The following POTEE variants were observed in gnomAD, a reference collection of about 807,000 sequenced individuals.
POTEE encodes POTE ankyrin domain family member E.
POTEE carries 21 observed loss-of-function variants against 74.2 expected under a neutral mutation model. That is an observed-to-expected ratio of 0.28 (90% CI 0.20 to 0.41). The LOEUF is 0.41. Among genes scored for constraint, POTEE ranks in the 10% least tolerant of loss-of-function variants. The pLI, the probability that POTEE is intolerant of heterozygous loss-of-function variation, is 1.00. For synonymous variants in POTEE, 211 were observed against 432.8 expected (o/e 0.49, Z 6.36); for missense variants, 525 against 1,158.6 (o/e 0.45, Z 7.94).
chr2:131,224,349 G>T (rs1386327824), intron 6 of POTEE, among the ~76,000 whole-genome samples: 13 of 143,780 alleles, frequency 9.0e-5, no homozygotes, highest in Non-Finnish European at 1.7e-4. Context: ...CCTATTGAAT[G>T]TAAAATGGCA....
intron 9 of POTEE, among the ~76,000 whole-genome samples, chr2:131,231,268 G>A (rs1025095265): frequency 2.7e-5 from 4 of 148,844 alleles, no homozygotes; most frequent in Non-Finnish European, 6.0e-5. Flanking sequence ...CAGGGTTCAT[G>A]CTCCAATGAG....
chr2:131,239,833 C>T (rs1701229401), intron 12 of POTEE, among the ~76,000 whole-genome samples: 1 of 152,202 alleles, frequency 6.6e-6, no homozygotes, highest in Admixed American at 6.5e-5. Context: ...TCCCGCGACG[C>T]TCCACCTTCA....
At chr2:131,230,305 A>G (rs1289562781) in intron 8 of POTEE, among the ~76,000 whole-genome samples, 2 of 152,318 alleles carry the variant, frequency 1.3e-5, no homozygotes, top group Admixed American at 1.3e-4. Flanking sequence ...TGTATATTAG[A>G]ACCTATGAAC....
chr2:131,224,797 TGTA>T (rs2105078329), intron 6 of POTEE, among the ~76,000 whole-genome samples: 1 of 151,678 alleles, frequency 6.6e-6, no homozygotes, highest in Non-Finnish European at 1.5e-5. Flanking sequence ...TAGGTGGTAA[TGTA>T]AGAGGAAACC....
intron 2 of POTEE, among the ~76,000 whole-genome samples, chr2:131,216,638 A>T (rs914593322): frequency 6.6e-6 from 1 of 151,576 alleles, no homozygotes; most frequent in East Asian, 1.9e-4. Flanking sequence ...AGCAACAAAA[A>T]GTAGGAAACA....
chr2:131,212,244 G>A (rs1387289262), intron 2 of POTEE, among the ~76,000 whole-genome samples: 4 of 151,884 alleles, frequency 2.6e-5, no homozygotes, highest in Non-Finnish European at 5.9e-5. Flanking sequence ...AACCACTTAT[G>A]CCTAGTGTTC....
intron 6 of POTEE, among the ~76,000 whole-genome samples, chr2:131,226,072 A>G (rs1700774073): frequency 6.6e-6 from 1 of 152,188 alleles, no homozygotes; most frequent in African/African-American, 2.4e-5. Context: ...TTTCTCAATT[A>G]GAATTGTAGC....
chr2:131,209,566 A>C lies in POTEE; in HGVS notation c.-598A>C, dbSNP rs1027169402. Among the ~76,000 whole-genome samples the C allele has an allele frequency of 1.3e-5, 2 of 152,326 alleles. No homozygotes were observed. The highest frequency in any genetic ancestry group is 3.9e-4 in the East Asian group (2 of 5,182). ...AGGCTCTTAAGTGTGGGCGTTTGGT[A>C]ACCGGCATGGCTGCTACCTGTTTCT... is the stretch of plus-strand genomic sequence containing the variant. On this transcript the variant is annotated 5_prime_UTR_variant, in exon 1 of 18. Transcript: ENST00000683005.
chr2:131,234,121 CA>C, intron 9 of POTEE, among the ~76,000 whole-genome samples: 1 of 150,308 alleles, frequency 6.7e-6, no homozygotes, highest in South Asian at 2.1e-4. Flanking sequence ...CATCAATGAT[CA>C]AAAGTTAGCA....
intron 1 of POTEE, among the ~76,000 whole-genome samples, chr2:131,210,148 C>T (rs1342957791): frequency 6.3e-5 from 9 of 142,734 alleles, no homozygotes; most frequent in African/African-American, 1.4e-4. Flanking sequence ...ATGCTGGCAG[C>T]GGGGGGTGGT....
In POTEE at chr2:131,264,972, G is replaced by C. The variant is rs1701864954; in HGVS notation, c.*289G>C. 1 of 577,288 alleles carries C rather than the reference G, an allele frequency of 1.7e-6. No homozygotes were observed. Among genetic ancestry groups the C allele is most frequent in the Non-Finnish European group, 3.0e-6 (1 of 330,774 alleles). The allele number at this position is 577,288 out of a possible 1,614,324, so 35.8% of individuals were successfully genotyped here. ...GACGCATTGTTTCAGGAAGCCCCTT[G>C]CCCTGCTAAAAGCCATCCCACTTCT... On this transcript the variant is annotated 3_prime_UTR_variant, in exon 18 of 18. Transcript: ENST00000683005.
chr2:131,248,045 T>A (rs1265878181), intron 13 of POTEE, among the ~76,000 whole-genome samples: 1 of 143,196 alleles, frequency 7.0e-6, no homozygotes, highest in Admixed American at 7.0e-5. Flanking sequence ...TTTGCAGTAG[T>A]CAGCTATAGT....
chr2:131,222,593 C>A (rs1340062707), intron 4 of POTEE, among the ~76,000 whole-genome samples: 23 of 151,970 alleles, frequency 1.5e-4, no homozygotes, highest in East Asian at 1.9e-4. Context: ...CTCCACAAAT[C>A]GTTTCATAAA....
At position 131,218,458 on chromosome 2, in the gene POTEE, G is replaced by T. The variant is rs1264507860; in HGVS notation, c.56G>T (p.Gly19Val). The T allele has an allele frequency of 9.3e-6, 15 of 1,613,234 alleles. No homozygotes were observed. The East Asian group carries it at 2.2e-4, about 24-fold the overall frequency. The change falls in exon 4 of 18, where the codon GGT becomes GTT. Residue 19 changes from glycine to valine, a missense_variant. Coordinates refer to ENST00000683005, the MANE Select transcript of POTEE (RefSeq NM_001083538.3). Reference sequence around the variant, plus strand: ...GCCTCTTCTGTGAAGAAGCCATTTGGTCTCAGGAGCAAGATGGGCAAGTGG... The same window carrying T: ...GCCTCTTCTGTGAAGAAGCCATTTGTTCTCAGGAGCAAGATGGGCAAGTGG... Reference protein sequence around the residue: ...PAASSVKKPFGLRSKMGKWCC... With the variant: ...PAASSVKKPFVLRSKMGKWCC...
At chr2:131,225,603 G>T in intron 6 of POTEE, among the ~76,000 whole-genome samples, 2 of 135,198 alleles carry the variant, frequency 1.5e-5, no homozygotes, top group African/African-American at 2.7e-5. Context: ...GTCTCACTCT[G>T]TTTCCCAGGC....
chr2:131,211,542 CTTTTTTTTTT>C lies in POTEE; in HGVS notation c.-189+378_-189+387del, dbSNP rs1163533169. On this transcript the variant is annotated intron_variant, in intron 2 of 17. Transcript: ENST00000683005. ...TGACTGTGTGTGTGTGTGTGTGTGG[CTTTTTTTTTT>C]TTTTTTTTTTTTTTTTTTGAGACAG... is the stretch of plus-strand genomic sequence containing the variant. Among the ~76,000 whole-genome samples the C allele has an allele frequency of 2.6e-3, 29 of 11,370 alleles. No homozygotes were observed. In the South Asian group the frequency reaches 0.055, roughly 21 times the overall value. The allele number at this position is 11,370 out of a possible 152,430, so 7.5% of individuals were successfully genotyped here. A position where few individuals can be genotyped will look rare whatever the true frequency, so the allele number is the denominator to read the frequency against.
At position 131,218,809 on chromosome 2, in the gene POTEE, G is replaced by C. The variant is rs761896133; in HGVS notation, c.407G>C (p.Arg136Pro). The change falls in exon 4 of 18, where the codon CGT (arginine) becomes CCT (proline). Residue 136 changes from arginine (R) to proline (P), a missense_variant. By Grantham distance (103) the Arg-to-Pro change is moderately radical. Coordinates refer to ENST00000683005, the MANE Select transcript of POTEE (RefSeq NM_001083538.3). Reference sequence around the variant, plus strand: ...TTCATGGAGCCCAGGTACCACGTCCGTGGAGAAGATCTGGACAAGCTCCAC... The same window carrying C: ...TTCATGGAGCCCAGGTACCACGTCCCTGGAGAAGATCTGGACAAGCTCCAC... The part of the protein sequence containing the change: ...SAFMEPRYHV[R>P]GEDLDKLHRA... 2.5e-6 allele frequency: 4 copies of C among 1,612,606 alleles called. No individual in the cohort carries two copies. The East Asian group carries it at 8.9e-5, about 36-fold the overall frequency.
intron 16 of POTEE, among the ~76,000 whole-genome samples, chr2:131,254,712 A>G (rs1405142478): frequency 6.9e-6 from 1 of 145,002 alleles, no homozygotes; most frequent in Non-Finnish European, 1.5e-5. Flanking sequence ...TTCAGTATTC[A>G]CCTCACCATA....
At chr2:131,214,340 T>G in intron 2 of POTEE, among the ~76,000 whole-genome samples, 1 of 152,330 alleles carries the variant, frequency 6.6e-6, no homozygotes. Context: ...ATAAGAAATG[T>G]TATGAAGGAA....
Sources: allele counts gnomAD v4.1 joint callset (sites outside exome capture counted in the v4.1 genomes callset), GRCh38; gene constraint gnomAD v4.1.1; transcripts MANE v1.5; gene names NCBI Gene and HGNC (gene_info 2026-07-23, HGNC 2026-07-21).